Variants in SDK2 observed in about 807,000 individuals in gnomAD.
SDK2 encodes sidekick cell adhesion molecule 2.
Under a neutral mutation model 253.9 loss-of-function variants are expected in SDK2, and 105 were observed. The observed-to-expected ratio is 0.41, with a 90% confidence interval of 0.35 to 0.49. SDK2 has a LOEUF of 0.49. Ranked by LOEUF, SDK2 falls within the 20% of genes least tolerant of loss-of-function variation. SDK2 has a pLI of 0.06. For synonymous variants in SDK2, 1,249 were observed against 1,234.9 expected, an observed-to-expected ratio of 1.01 and a Z score of -0.24; for missense variants, 2,608 against 3,003.0, an observed-to-expected ratio of 0.87 and a Z score of 3.07.
In SDK2 at chr17:73,455,827, A is replaced by G; in HGVS notation, c.479+79T>C. ...TGCACAAAGGCCCTCCTCCACACTC[A>G]AGGGAGACTTTATCTGGCCCCAAAC... On this transcript the variant is annotated intron_variant, in intron 4 of 44. Transcript: ENST00000392650. This position sits in a 1 kb window ranked among gnomAD's most constrained non-coding sequence, Gnocchi z 5.0. The G allele has an allele frequency of 6.9e-7, 1 of 1,446,980 alleles. No homozygotes were observed. Among genetic ancestry groups the G allele is most frequent in the Non-Finnish European group, 9.2e-7 (1 of 1,089,524 alleles). 89.6% of individuals were successfully genotyped at this position (1,446,980 alleles called of 1,614,324 possible). A position where few individuals can be genotyped will look rare whatever the true frequency, so the allele number is the denominator to read the frequency against.
intron 2 of SDK2, among the ~76,000 whole-genome samples, chr17:73,479,057 CTG>C (rs2145707176): frequency 6.6e-6 from 1 of 152,378 alleles, no homozygotes; most frequent in South Asian, 2.1e-4. Context: ...TCATACATGA[CTG>C]TGCACATACA....
rs1438696495 is a variant in SDK2, at chr17:73,336,867, G to C, written c.*1720C>G. 1 of 139,808 alleles carries C rather than the reference G, an allele frequency of 7.2e-6. No individual in the cohort carries two copies. Among genetic ancestry groups the C allele is most frequent in the Non-Finnish European group, 1.6e-5 (1 of 62,836 alleles). The allele number at this position is 139,808 out of a possible 1,614,324, so 8.7% of individuals were successfully genotyped here. A position where few individuals can be genotyped will look rare whatever the true frequency, so the allele number is the denominator to read the frequency against. ...CCATCTGCCACCCATCTCAGCGGTG[G>C]GGCAGGTGTTGGGCTGGCCTTACAG... On this transcript the variant is annotated 3_prime_UTR_variant, in exon 45 of 45. Transcript: ENST00000392650.
intron 15 of SDK2, among the ~76,000 whole-genome samples, chr17:73,420,699 A>T (rs2145582288): frequency 6.7e-6 from 1 of 150,320 alleles, no homozygotes; most frequent in East Asian, 2.0e-4. Context: ...TTTTGAGGAA[A>T]GATTTCACTC....
At chr17:73,374,816 G>A (rs2062764334) in intron 36 of SDK2, among the ~76,000 whole-genome samples, 1 of 152,106 alleles carries the variant, frequency 6.6e-6, no homozygotes, top group Non-Finnish European at 1.5e-5. Context: ...CTAACTGAGA[G>A]TGGCCACTTC....
At chr17:73,628,208 A>C (rs1031838358) in intron 1 of SDK2, among the ~76,000 whole-genome samples, 18 of 152,256 alleles carry the variant, frequency 1.2e-4, no homozygotes, top group African/African-American at 4.3e-4. Context: ...TGGCCTCCTC[A>C]GGAGCACAGA....
At chr17:73,475,486 CA>C (rs1378513028) in intron 2 of SDK2, among the ~76,000 whole-genome samples, 1 of 152,130 alleles carries the variant, frequency 6.6e-6, no homozygotes, top group Non-Finnish European at 1.5e-5. Flanking sequence ...AACTATGTGA[CA>C]AAAAAATATG....
rs1172859921 is a variant in SDK2, at chr17:73,352,252, G to A, written c.5758+221C>T. Among the ~76,000 whole-genome samples, 1 of 152,144 alleles carries A rather than the reference G, an allele frequency of 6.6e-6. No individual in the cohort carries two copies. The highest frequency in any genetic ancestry group is 1.9e-4 in the East Asian group (1 of 5,184). ...AGGGCTTCTGGAGTTCCTTGAAAGGGAGCCCCAAAGATGAAGATCCCTAGT... is the reference window on the plus strand; with the variant it reads ...AGGGCTTCTGGAGTTCCTTGAAAGGAAGCCCCAAAGATGAAGATCCCTAGT... On this transcript the variant is annotated intron_variant, in intron 41 of 44. Coordinates refer to ENST00000392650, the MANE Select transcript of SDK2 (RefSeq NM_001144952.2). The surrounding 1 kb of genome is among the most constrained non-coding windows in gnomAD (Gnocchi z 4.1).
At position 73,354,385 on chromosome 17, in the gene SDK2, C is replaced by T. The variant is rs186187773; in HGVS notation, c.5594-1748G>A. 1.0e-3 allele frequency among the ~76,000 whole-genome samples: 154 copies of T among 152,302 alleles called. 1 individual carries two copies. Among genetic ancestry groups the T allele is most frequent in the African/African-American group, 3.5e-3 (147 of 41,584 alleles). On this transcript the variant is annotated intron_variant, in intron 40 of 44. Transcript: ENST00000392650. The stretch of plus-strand genomic sequence containing the variant: ...CTGTTCAGTCAGAGCGGTGCGGGTG[C>T]TGCCTGGGTCAGGGACGAGGCAAGC...
Position 73,471,463 on chromosome 17 carries a change from G to C in SDK2, c.331+649C>G, listed in dbSNP as rs190314762. ...AAATACAAAAAATTAGCTGGGTGTG[G>C]TGGCACATGCCTGTAATCCCAGCTA... On this transcript the variant is annotated intron_variant, in intron 3 of 44. Coordinates refer to ENST00000392650, the MANE Select transcript of SDK2 (RefSeq NM_001144952.2). 1.7e-4 allele frequency among the ~76,000 whole-genome samples: 26 copies of C among 152,302 alleles called. No homozygotes were observed. In the East Asian group the frequency reaches 5.0e-3, roughly 29 times the overall value.
chr17:73,532,480 C>A (rs1320520012), intron 1 of SDK2, among the ~76,000 whole-genome samples: 1 of 152,172 alleles, frequency 6.6e-6, no homozygotes, highest in Non-Finnish European at 1.5e-5. Context: ...GCCCCAGAGT[C>A]AGGTGGCAGG....
chr17:73,492,123 G>T (rs763103487), intron 2 of SDK2, among the ~76,000 whole-genome samples: 1 of 152,116 alleles, frequency 6.6e-6, no homozygotes, highest in Non-Finnish European at 1.5e-5. Flanking sequence ...ACCACGTGGA[G>T]AAAGAGATCC....
intron 4 of SDK2, among the ~76,000 whole-genome samples, chr17:73,452,989 C>T (rs1275279350): frequency 6.6e-6 from 1 of 152,238 alleles, no homozygotes; most frequent in Non-Finnish European, 1.5e-5. Context: ...AGAGGGCACA[C>T]TCTGACTCAC....
chr17:73,536,269 C>G (rs1345632849), intron 1 of SDK2, among the ~76,000 whole-genome samples: 1 of 152,180 alleles, frequency 6.6e-6, no homozygotes, highest in African/African-American at 2.4e-5. Flanking sequence ...ACCCCTGGAC[C>G]TGGATCAGCA....
chr17:73,391,542 G>A lies in SDK2; in HGVS notation c.3899-4C>T. 7.8e-7 allele frequency: 1 copy of A among 1,290,032 alleles called. No individual in the cohort carries two copies. The highest frequency in any genetic ancestry group is 9.9e-7 in the Non-Finnish European group (1 of 1,010,340). The allele number at this position is 1,290,032 out of a possible 1,614,324, so 79.9% of individuals were successfully genotyped here. On this transcript the variant is annotated splice_polypyrimidine_tract_variant and splice_region_variant and intron_variant, in intron 27 of 44. Transcript: ENST00000392650. The stretch of plus-strand genomic sequence containing the variant: ...ATGCCCATGGGTGGTCCTGGGACTG[G>A]AGGGGGCAAAGGAGAGGAGGCCGAC...
intron 36 of SDK2, among the ~76,000 whole-genome samples, chr17:73,377,132 C>T (rs1277873597): frequency 6.6e-6 from 1 of 151,886 alleles, no homozygotes; most frequent in African/African-American, 2.4e-5. Context: ...GAATGAGAGT[C>T]AACTGGACAC....
intron 2 of SDK2, among the ~76,000 whole-genome samples, chr17:73,492,973 G>A (rs1335041409): frequency 3.3e-5 from 5 of 152,222 alleles, no homozygotes; most frequent in African/African-American, 1.2e-4. Context: ...AGCCAAGGCC[G>A]GGCGCAGGAG....
chr17:73,411,967 TAC>T (rs66999713), intron 18 of SDK2, among the ~76,000 whole-genome samples: 133,946 of 140,010 alleles, frequency 0.96, 64,283 homozygotes, highest in Non-Finnish European at 0.99. Flanking sequence ...TATATATATA[TAC>T]GTATATATAT....
At chr17:73,590,595 G>A (rs2045667493) in intron 1 of SDK2, among the ~76,000 whole-genome samples, 1 of 152,202 alleles carries the variant, frequency 6.6e-6, no homozygotes, top group African/African-American at 2.4e-5. Flanking sequence ...GACCCTGGGT[G>A]GCAGACGCAC....
Position 73,380,456 on chromosome 17 carries a change from C to T in SDK2, c.4762+438G>A, listed in dbSNP as rs117215594. Among the ~76,000 whole-genome samples, 614 of 152,298 alleles carry T rather than the reference C, an allele frequency of 4.0e-3. 27 individuals are homozygous for T. The East Asian group carries it at 0.087, about 22-fold the overall frequency. The stretch of plus-strand genomic sequence containing the variant: ...CTGGTGCACGGGAGGACGACGGACG[C>T]AGGTGACTAAAACTGCTGTCACCTC... On this transcript the variant is annotated intron_variant, in intron 34 of 44. Coordinates refer to ENST00000392650, the MANE Select transcript of SDK2 (RefSeq NM_001144952.2).
Sources: allele counts gnomAD v4.1 joint callset (sites outside exome capture counted in the v4.1 genomes callset), GRCh38; gene constraint gnomAD v4.1.1; non-coding constraint Gnocchi (gnomAD v3.1); transcripts MANE v1.5; gene names NCBI Gene and HGNC (gene_info 2026-07-23, HGNC 2026-07-21).